The following DPP10 variants were observed in gnomAD, a reference collection of about 807,000 sequenced individuals.
The protein encoded by DPP10 is dipeptidyl peptidase like 10.
DPP10 carries 33 observed loss-of-function variants against 120.9 expected under a neutral mutation model. The ratio of observed to expected loss-of-function variants is 0.27; its 90% CI spans 0.21 to 0.37. DPP10 has a LOEUF of 0.37. Among genes scored for constraint, DPP10 ranks in the 10% least tolerant of loss-of-function variants. DPP10 has a pLI of 1.00. For synonymous variants in DPP10, 337 were observed against 326.1 expected (o/e 1.03, Z -0.36); for missense variants, 816 against 942.8 (o/e 0.87, Z 1.76).
chr2:114,791,163 T>C (rs1683212806), intron 1 of DPP10, among the ~76,000 whole-genome samples: 1 of 152,166 alleles, frequency 6.6e-6, no homozygotes, highest in Admixed American at 6.5e-5. Context: ...CTTGTACATG[T>C]GACCTACCCT....
Position 114,597,271 on chromosome 2 carries a change from G to A in DPP10, c.60+154433G>A, listed in dbSNP as rs1388437908. ...GTTGGGCCATAACAGATACATAGGG[G>A]AATGGTGGGAATAAGGATAGAAAGT... On this transcript the variant is annotated intron_variant, in intron 1 of 25. Coordinates refer to ENST00000410059, the MANE Select transcript of DPP10 (RefSeq NM_020868.6). Among the ~76,000 whole-genome samples, 106 of 152,006 alleles carry A rather than the reference G, an allele frequency of 7.0e-4. 1 individual carries two copies. Among genetic ancestry groups the A allele is most frequent in the Non-Finnish European group, 1.5e-5 (1 of 67,952 alleles).
intron 1 of DPP10, among the ~76,000 whole-genome samples, chr2:114,539,970 G>C (rs192142295): frequency 6.6e-6 from 1 of 151,916 alleles, no homozygotes; most frequent in African/African-American, 2.4e-5. Flanking sequence ...CCAAGTGTTC[G>C]CAATTCATCA....
At chr2:115,115,856 G>A (rs10496487) in intron 1 of DPP10, among the ~76,000 whole-genome samples, 37,293 of 152,038 alleles carry the variant, frequency 0.25, 4,944 homozygotes, top group East Asian at 0.31. Context: ...ACAGTGTTGT[G>A]AAAATGGTGC....
chr2:115,229,783 A>C (rs746665460), intron 1 of DPP10, among the ~76,000 whole-genome samples: 8 of 148,656 alleles, frequency 5.4e-5, no homozygotes, highest in African/African-American at 2.0e-4. Context: ...TGCCAGTAGC[A>C]TGTTGTTTGT....
chr2:115,676,721 GA>G (rs2090294857), intron 5 of DPP10, among the ~76,000 whole-genome samples: 1 of 152,064 alleles, frequency 6.6e-6, no homozygotes. Context: ...ACAAATATTG[GA>G]ATCATGGAAG....
At chr2:115,744,183 C>A (rs141943163) in intron 9 of DPP10, among the ~76,000 whole-genome samples, 1 of 150,298 alleles carries the variant, frequency 6.7e-6, no homozygotes, top group Non-Finnish European at 1.5e-5. Flanking sequence ...TCCATGAATG[C>A]GTTGCTCAGG....
In DPP10 at chr2:114,932,918, C is replaced by T. The variant is rs369806577; in HGVS notation, c.61-376321C>T. Among the ~76,000 whole-genome samples, 105 of 152,222 alleles carry T rather than the reference C, an allele frequency of 6.9e-4. 3 individuals carry two copies. The South Asian group carries it at 0.019, about 27-fold the overall frequency. ...TACTTTAAGCTTCCATCACCTAACC[C>T]GGGGCAATCATTTGTGTGGCCTTAT... On this transcript the variant is annotated intron_variant, in intron 1 of 25. Coordinates refer to ENST00000410059, the MANE Select transcript of DPP10 (RefSeq NM_020868.6).
Position 114,907,816 on chromosome 2 carries a change from T to C in DPP10, c.61-401423T>C, listed in dbSNP as rs187659103. Among the ~76,000 whole-genome samples the C allele has an allele frequency of 1.1e-4, 16 of 152,200 alleles. No homozygotes were observed. In the East Asian group the frequency reaches 2.9e-3, roughly 28 times the overall value. Reference sequence around the variant, plus strand: ...GTATCTGCTATGTCTAGTTGGCTTATAGTGTTGTTCAAACATGTATTTTCA... The same window carrying C: ...GTATCTGCTATGTCTAGTTGGCTTACAGTGTTGTTCAAACATGTATTTTCA... On this transcript the variant is annotated intron_variant, in intron 1 of 25. Transcript: ENST00000410059.
At chr2:114,715,777 A>C (rs1008754938) in intron 1 of DPP10, among the ~76,000 whole-genome samples, 2 of 152,078 alleles carry the variant, frequency 1.3e-5, no homozygotes, top group African/African-American at 4.8e-5. Flanking sequence ...ACAAAAAGAT[A>C]TGGCTGGTAT....
At chr2:114,597,546 G>T (rs947395363) in intron 1 of DPP10, among the ~76,000 whole-genome samples, 7 of 151,876 alleles carry the variant, frequency 4.6e-5, no homozygotes, top group African/African-American at 1.2e-4. Context: ...AGAAATGAAG[G>T]CTGCGGCTAT....
chr2:114,470,322 G>A (rs188085469), intron 1 of DPP10, among the ~76,000 whole-genome samples: 181 of 152,292 alleles, frequency 1.2e-3, no homozygotes, highest in Middle Eastern at 3.4e-3. Context: ...AATTTTCAGT[G>A]ATGAGAAAAA....
At chr2:115,437,894 C>T (rs1271175140) in intron 3 of DPP10, among the ~76,000 whole-genome samples, 10 of 152,026 alleles carry the variant, frequency 6.6e-5, no homozygotes, top group Admixed American at 3.3e-4. Flanking sequence ...TCTTTTGTAA[C>T]ATATGTCTCA....
At chr2:115,672,702 C>CTTTCTTTCTTTCTTTCTTTCTTTT (rs2089992674) in intron 5 of DPP10, among the ~76,000 whole-genome samples, 1 of 141,666 alleles carries the variant, frequency 7.1e-6, no homozygotes. Context: ...TTCTTTCTTT[C>CTTTCTTTCTTTCTTTCTTTCTTTT]TTTCTTTCTC....
At chr2:114,703,282 C>A (rs1294838730) in intron 1 of DPP10, among the ~76,000 whole-genome samples, 1 of 152,056 alleles carries the variant, frequency 6.6e-6, no homozygotes, top group South Asian at 2.1e-4. Flanking sequence ...CTGGGGAAAA[C>A]AAACCACTTT....
At chr2:115,072,571 C>A (rs1051549755) in intron 1 of DPP10, among the ~76,000 whole-genome samples, 2 of 152,138 alleles carry the variant, frequency 1.3e-5, no homozygotes, top group Non-Finnish European at 2.9e-5. Context: ...ACTGAATTAA[C>A]ACTTTGCTTA....
At chr2:115,769,886 A>C (rs2149817599) in intron 13 of DPP10, among the ~76,000 whole-genome samples, 1 of 152,164 alleles carries the variant, frequency 6.6e-6, no homozygotes, top group East Asian at 1.9e-4. Context: ...CACTTCCCAA[A>C]TCTTATAACT....
chr2:115,804,382 T>G (rs540640978), intron 19 of DPP10, among the ~76,000 whole-genome samples: 19 of 152,312 alleles, frequency 1.2e-4, no homozygotes, highest in Admixed American at 7.8e-4. Flanking sequence ...TCGAACTTCC[T>G]CCTTTAGCTC....
intron 1 of DPP10, among the ~76,000 whole-genome samples, chr2:114,861,865 A>C (rs1280395603): frequency 6.6e-6 from 1 of 152,204 alleles, no homozygotes; most frequent in East Asian, 1.9e-4. Flanking sequence ...CAGCATGTGT[A>C]ATACAAGGTG....
intron 1 of DPP10, among the ~76,000 whole-genome samples, chr2:114,602,019 G>A (rs975968695): frequency 1.3e-5 from 2 of 151,750 alleles, no homozygotes; most frequent in Non-Finnish European, 2.9e-5. Context: ...AACAGAATGG[G>A]CTATATTTAT....
Sources: allele counts gnomAD v4.1 joint callset (sites outside exome capture counted in the v4.1 genomes callset), GRCh38; gene constraint gnomAD v4.1.1; transcripts MANE v1.5; gene names NCBI Gene and HGNC (gene_info 2026-07-23, HGNC 2026-07-21).